ARAP2: variants seen among roughly 807,000 people sequenced by gnomAD.
ARAP2 encodes the protein ArfGAP with RhoGAP domain, ankyrin repeat and PH domain 2, also known as arf-GAP with Rho-GAP domain, ANK repeat and PH domain-containing protein 2.
A neutral mutation model predicts 194.5 loss-of-function variants in ARAP2; 148 were observed. That is an observed-to-expected ratio of 0.76 (90% CI 0.67 to 0.87). The LOEUF (loss-of-function observed/expected upper bound fraction) is 0.87. ARAP2 is among the 40% of genes least tolerant of loss of function. The probability of loss-of-function intolerance (pLI) is 0.00; values close to 1 mark genes in which losing one functional copy is unlikely to be tolerated. For missense variants in ARAP2, 2,128 were observed against 1,989.7 expected, an observed-to-expected ratio of 1.07 and a Z score of -1.32; for synonymous variants, 695 against 683.5, an observed-to-expected ratio of 1.02 and a Z score of -0.26.
At chr4:36,056,583 A>G (rs1163071329) in intron 2 of ARAP2, among the ~76,000 whole-genome samples, 4 of 152,176 alleles carry the variant, frequency 2.6e-5, no homozygotes, top group African/African-American at 4.8e-5. Flanking sequence ...GAACATGTAT[A>G]GGTTTTCTTG....
intron 19 of ARAP2, among the ~76,000 whole-genome samples, chr4:36,139,379 T>C (rs1173604652): frequency 6.6e-6 from 1 of 151,656 alleles, no homozygotes; most frequent in Non-Finnish European, 1.5e-5. Context: ...ACAATGGTGA[T>C]TTGTATCTTC....
intron 9 of ARAP2, among the ~76,000 whole-genome samples, chr4:36,010,810 T>C (rs1257969190): frequency 6.6e-6 from 1 of 152,158 alleles, no homozygotes; most frequent in Non-Finnish European, 1.5e-5. Context: ...TAAGATAGCA[T>C]TTCCTGGCCG....
At chr4:36,016,766 T>C (rs906070359) in intron 6 of ARAP2, among the ~76,000 whole-genome samples, 1 of 152,154 alleles carries the variant, frequency 6.6e-6, no homozygotes, top group Non-Finnish European at 1.5e-5. Flanking sequence ...AAACGTGAGA[T>C]AAATCACACA....
chr4:36,089,085 C>A (rs1020282944), intron 28 of ARAP2, among the ~76,000 whole-genome samples: 2 of 152,082 alleles, frequency 1.3e-5, no homozygotes, highest in Non-Finnish European at 2.9e-5. Flanking sequence ...AAGAACATTT[C>A]TATCTAGAAA....
intron 30 of ARAP2, among the ~76,000 whole-genome samples, chr4:36,081,523 T>A (rs186437798): frequency 6.6e-6 from 1 of 152,294 alleles, no homozygotes; most frequent in African/African-American, 2.4e-5. Flanking sequence ...TAGCCTTGCA[T>A]GCCACGCAAC....
chr4:36,169,965 A>G (rs952115838), intron 9 of ARAP2, among the ~76,000 whole-genome samples: 1 of 152,262 alleles, frequency 6.6e-6, no homozygotes, highest in Non-Finnish European at 1.5e-5. Context: ...GCTATCATAT[A>G]TGAAACAACT....
intron 27 of ARAP2, among the ~76,000 whole-genome samples, chr4:36,106,152 G>A (rs1377497955): frequency 6.6e-6 from 1 of 151,850 alleles, no homozygotes; most frequent in East Asian, 1.9e-4. Flanking sequence ...TCTTGTGGGC[G>A]GGGAGGGGAG....
rs368889662 is a variant in ARAP2 at position 36,082,932 on chromosome 4, A to G, written c.4508+436T>C. Among the ~76,000 whole-genome samples the G allele has an allele frequency of 1.8e-4, 27 of 152,214 alleles. No homozygotes were observed. The East Asian group carries it at 3.1e-3, about 17-fold the overall frequency. ...ACCAAAGTCAGCATAGTAAAAAGGG[A>G]AAATTACAGAGCCAGAACCAAAACA... On this transcript the variant is annotated intron_variant, in intron 29 of 32. Coordinates refer to ENST00000303965, the MANE Select transcript of ARAP2 (RefSeq NM_015230.4).
At chr4:36,014,736 A>G (rs977480065) in intron 8 of ARAP2, among the ~76,000 whole-genome samples, 1 of 152,122 alleles carries the variant, frequency 6.6e-6, no homozygotes, top group Non-Finnish European at 1.5e-5. Flanking sequence ...CTAAGCCCCA[A>G]CTTCCCAAAG....
At chr4:36,188,476 T>C (rs7434457) in intron 7 of ARAP2, among the ~76,000 whole-genome samples, 142,311 of 152,208 alleles carry the variant, frequency 0.93, 66,634 homozygotes, top group East Asian at 1. Context: ...GGTATTTAAA[T>C]CCGACTTTTA....
chr4:36,057,274 C>T (rs1342560499), intron 2 of ARAP2, among the ~76,000 whole-genome samples: 3 of 150,324 alleles, frequency 2.0e-5, no homozygotes, highest in East Asian at 1.9e-4. Context: ...TTTGGGGTTT[C>T]GGTATTCTCT....
chr4:36,022,182 G>A (rs1258898909), intron 5 of ARAP2, among the ~76,000 whole-genome samples: 1 of 152,182 alleles, frequency 6.6e-6, no homozygotes, highest in Admixed American at 6.5e-5. Context: ...CATGACTATA[G>A]TGGAGAGGTA....
At chr4:36,072,500 T>C (rs1272918499) in intron 32 of ARAP2, among the ~76,000 whole-genome samples, 1 of 151,954 alleles carries the variant, frequency 6.6e-6, no homozygotes, top group Non-Finnish European at 1.5e-5. Context: ...CTGAAGGCAA[T>C]GTCAAAAGGT....
At chr4:36,083,013 A>C (rs535720399) in intron 29 of ARAP2, among the ~76,000 whole-genome samples, 1 of 152,240 alleles carries the variant, frequency 6.6e-6, no homozygotes, top group South Asian at 2.1e-4. Flanking sequence ...CCTGTGTTGT[A>C]GACTTGCCTG....
At position 36,080,279 on chromosome 4, in the gene ARAP2, C is replaced by A. The variant is rs1181848801; in HGVS notation, c.4545G>T (p.Trp1515Cys). Residue 1515 changes from tryptophan to cysteine, a missense_variant and splice_region_variant, in exon 31 of 33, where the codon TGG becomes TGT. Trp to Cys is a radical substitution (Grantham distance 215, BLOSUM62 -2). Coordinates refer to ENST00000303965, the MANE Select transcript of ARAP2 (RefSeq NM_015230.4). ...TTCGTGAACTATCACAACACAGGTG[C>A]CTGCAAAACGAGGTTTATAAACTAT... The part of the protein sequence containing the change: ...GLTAYSEKHH[W>C]HLCCDSSRTQ... 6.2e-7 allele frequency: 1 copy of A among 1,611,832 alleles called. No individual in the cohort carries two copies. Among genetic ancestry groups the A allele is most frequent in the Admixed American group, 1.7e-5 (1 of 59,900 alleles).
At chr4:36,069,544 T>C (rs927525508) in intron 32 of ARAP2, among the ~76,000 whole-genome samples, 8 of 152,018 alleles carry the variant, frequency 5.3e-5, no homozygotes, top group African/African-American at 1.7e-4. Context: ...CAAACTTTAA[T>C]CTTGTTAAAA....
chr4:36,193,660 T>A lies in ARAP2; in HGVS notation c.1488-13A>T, dbSNP rs1381719630. The A allele has an allele frequency of 1.9e-6, 3 of 1,592,856 alleles. No homozygotes were observed. Among genetic ancestry groups the A allele is most frequent in the Non-Finnish European group, 2.6e-6 (3 of 1,168,670 alleles). On this transcript the variant is annotated splice_polypyrimidine_tract_variant and intron_variant, in intron 6 of 32. Coordinates refer to ENST00000303965, the MANE Select transcript of ARAP2 (RefSeq NM_015230.4). ...AAACATGCGTTTTCTGCAAAACATATGAAATTGTTATTTTACATTCAAGTA... is the reference window on the plus strand; with the variant it reads ...AAACATGCGTTTTCTGCAAAACATAAGAAATTGTTATTTTACATTCAAGTA...
At chr4:36,127,808 T>G (rs1365967381) in intron 21 of ARAP2, among the ~76,000 whole-genome samples, 1 of 151,834 alleles carries the variant, frequency 6.6e-6, no homozygotes, top group Non-Finnish European at 1.5e-5. Flanking sequence ...ATTATAAAAG[T>G]GAAGAAAAGG....
chr4:36,128,774 T>A lies in ARAP2; in HGVS notation c.3428-29A>T, dbSNP rs777350838. 3.4e-4 allele frequency: 525 copies of A among 1,524,850 alleles called. 1 individual carries two copies. The highest frequency in any genetic ancestry group is 4.5e-4 in the Non-Finnish European group (509 of 1,120,040). 94.5% of individuals were successfully genotyped at this position (1,524,850 alleles called of 1,614,324 possible). A position where few individuals can be genotyped will look rare whatever the true frequency, so the allele number is the denominator to read the frequency against. The stretch of plus-strand genomic sequence containing the variant: ...TGTTTAAAAAAAAAAAGTTATACTT[T>A]AAAAGTCTAAATTCAAAAGCCAGTT... On this transcript the variant is annotated intron_variant, in intron 20 of 32. Coordinates refer to ENST00000303965, the MANE Select transcript of ARAP2 (RefSeq NM_015230.4).
Sources: allele counts gnomAD v4.1 joint callset (sites outside exome capture counted in the v4.1 genomes callset), GRCh38; gene constraint gnomAD v4.1.1; transcripts MANE v1.5; gene names NCBI Gene and HGNC (gene_info 2026-07-23, HGNC 2026-07-21).